JAG2: variants seen among roughly 807,000 people sequenced by gnomAD.
JAG2 encodes the protein jagged canonical Notch ligand 2, also known as protein jagged-2.
A neutral mutation model predicts 141.7 loss-of-function variants in JAG2; 46 were observed. The ratio of observed to expected loss-of-function variants is 0.32; its 90% CI spans 0.26 to 0.42. The LOEUF is 0.42. Ranked by LOEUF, JAG2 falls within the 10% of genes least tolerant of loss-of-function variation. JAG2 has a pLI of 1.00. For synonymous variants in JAG2, 862 were observed against 763.5 expected, an observed-to-expected ratio of 1.13 and a Z score of -2.13; for missense variants, 1,500 against 1,817.5, an observed-to-expected ratio of 0.83 and a Z score of 3.18.
chr14:105,167,914 G>A lies in JAG2; in HGVS notation c.260C>T (p.Pro87Leu). 6.3e-7 allele frequency: 1 copy of A among 1,595,696 alleles called. No individual in the cohort carries two copies. Among genetic ancestry groups the A allele is most frequent in the African/African-American group, 1.4e-5 (1 of 73,080 alleles). The change falls in exon 2 of 26, where the codon CCC (proline) becomes CTC (leucine). Residue 87 changes from proline to leucine, a missense_variant. Pro to Leu is a moderately conservative substitution (Grantham distance 98). This residue lies in a region of JAG2 where 200 missense variants were observed against 174.3 expected (regional missense o/e 1.15). Transcript: ENST00000331782. The surrounding 1 kb of genome is among the most constrained non-coding windows in gnomAD (Gnocchi z 4.8). ...EYQAKVTPTG[P>L]CSYGHGATPV... The stretch of plus-strand genomic sequence containing the variant: ...CGTGGCGCCGTGGCCGTAGCTGCAG[G>A]GCCCCGTGGGCGTCACCTTGGCCTG...
chr14:105,149,308 G>C lies in JAG2; in HGVS notation c.1615C>G (p.Leu539Val). Residue 539 changes from leucine to valine, a missense_variant, in exon 13 of 26, where the codon CTT (leucine) becomes GTT (valine). Physicochemically the swap from Leu to Val is conservative, Grantham distance 32. This residue lies in a region of JAG2 where 875 missense variants were observed against 1,202.2 expected (regional missense o/e 0.73). Coordinates refer to ENST00000331782, the MANE Select transcript of JAG2 (RefSeq NM_002226.5). ...TTCCGGCAGGGGCTTGGCTCACAAA[G>C]GTCGACATCCACCTGCAGGGTGGGG... ...SGPLCEVDVD[L>V]CEPSPCRNGA... 6.2e-7 allele frequency: 1 copy of C among 1,612,688 alleles called. No homozygotes were observed. Among genetic ancestry groups the C allele is most frequent in the Non-Finnish European group, 8.5e-7 (1 of 1,179,986 alleles).
chr14:105,146,030 G>A, intron 22 of JAG2, 57 bp from the exon 23 acceptor site: 2 of 1,564,998 alleles, frequency 1.3e-6, no homozygotes, highest in Admixed American at 1.8e-5. Context: ...TCAGATGCAG[G>A]CACACAGATG....
At chr14:105,149,128 T>TTCCCCCC in intron 13 of JAG2, 39 bp from the exon 14 acceptor site, 1 of 871,650 alleles carries the variant, frequency 1.1e-6, no homozygotes, top group South Asian at 1.4e-5. Context: ...GGCCCGCCCC[T>TTCCCCCC]GCCCCACCAC....
At position 105,167,838 on chromosome 14, in the gene JAG2, C is replaced by G; in HGVS notation, c.336G>C (p.Gly112=). ...SFYLPPAGAA[G]DRARARARAG... is the part of the protein sequence containing the mutation. ...CCCGGGCCCGCGCCCGCGCTCGGTC[C>G]CCCGCAGCGCCCGCCGGCGGCAGGT... Residue 112 remains glycine, a synonymous_variant, in exon 2 of 26, where the codon GGG becomes GGC. Transcript: ENST00000331782. The surrounding 1 kb of genome is among the most constrained non-coding windows in gnomAD (Gnocchi z 4.8). 6.7e-7 allele frequency: 1 copy of G among 1,500,440 alleles called. No individual in the cohort carries two copies. The allele number at this position is 1,500,440 out of a possible 1,614,324, so 92.9% of individuals were successfully genotyped here.
intron 17 of JAG2, 93 bp from the exon 18 acceptor site, chr14:105,147,981 G>A (rs1334499432): frequency 8.3e-7 from 1 of 1,200,702 alleles, no homozygotes; most frequent in Non-Finnish European, 1.2e-6. Flanking sequence ...AGGGCAGACA[G>A]ACCCGGGGGC....
intron 11 of JAG2, 37 bp from the exon 12 acceptor site, chr14:105,150,814 CCT>C (rs1888399440): frequency 1.3e-6 from 2 of 1,572,936 alleles, no homozygotes; most frequent in Non-Finnish European, 1.7e-6. Flanking sequence ...CCGCAGGCAC[CCT>C]GACGGCCCCG....
Position 105,167,722 on chromosome 14 carries a change from GA to G in JAG2, c.417+34del. On this transcript the variant is annotated intron_variant, in intron 2 of 25. Transcript: ENST00000331782. This position sits in a 1 kb window ranked among gnomAD's most constrained non-coding sequence, Gnocchi z 4.8. The stretch of plus-strand genomic sequence containing the variant: ...CGGGGCCGGGGCGCGGAGAGAGAGG[GA>G]AGGGCTGGAGCACGAGGGATGGAGC... The G allele has an allele frequency of 7.1e-7, 1 of 1,411,442 alleles. No individual in the cohort carries two copies. The highest frequency in any genetic ancestry group is 9.2e-7 in the Non-Finnish European group (1 of 1,081,942). The allele number at this position is 1,411,442 out of a possible 1,614,324, so 87.4% of individuals were successfully genotyped here. A position where few individuals can be genotyped will look rare whatever the true frequency, so the allele number is the denominator to read the frequency against.
intron 2 of JAG2, among the ~76,000 whole-genome samples, chr14:105,164,317 A>G (rs1196533320): frequency 6.6e-6 from 1 of 152,126 alleles, no homozygotes; most frequent in African/African-American, 2.4e-5. Flanking sequence ...CAAGGCGGAC[A>G]TGCCCTGAGT....
rs1270458130 is a variant in JAG2 at position 105,167,253 on chromosome 14, G to A, written c.417+504C>T. Among the ~76,000 whole-genome samples, 3 of 152,174 alleles carry A rather than the reference G, an allele frequency of 2.0e-5. No homozygotes were observed. Among genetic ancestry groups the A allele is most frequent in the Non-Finnish European group, 4.4e-5 (3 of 68,024 alleles). On this transcript the variant is annotated intron_variant, in intron 2 of 25. Coordinates refer to ENST00000331782, the MANE Select transcript of JAG2 (RefSeq NM_002226.5). The surrounding 1 kb of genome is among the most constrained non-coding windows in gnomAD (Gnocchi z 4.8). ...CCATCGGGGGCTTCTGCCGACATAA[G>A]CGTTAGGCGTTAGGCTCTCCCGGGC...
In JAG2 at chr14:105,150,931, G is replaced by C; in HGVS notation, c.1382-20C>G. ...TGACGTCTGGGGGCAGAGGAGCAGG[G>C]TCAGAGGCGGGGTCCCATGTGCCTC... is the stretch of plus-strand genomic sequence containing the variant. On this transcript the variant is annotated intron_variant, in intron 10 of 25. Coordinates refer to ENST00000331782, the MANE Select transcript of JAG2 (RefSeq NM_002226.5). 6.3e-6 allele frequency: 10 copies of C among 1,597,218 alleles called. No homozygotes were observed. The highest frequency in any genetic ancestry group is 8.5e-6 in the Non-Finnish European group (10 of 1,172,398).
chr14:105,144,770 G>C (rs1350220755), intron 24 of JAG2, among the ~76,000 whole-genome samples, 160 bp downstream of exon 24: 2 of 152,212 alleles, frequency 1.3e-5, no homozygotes, highest in Non-Finnish European at 1.5e-5. Context: ...AGTTCCACGG[G>C]TCTGCGGCAT....
intron 5 of JAG2, 29 bp downstream of exon 5, chr14:105,155,533 G>A (rs775942671): frequency 1.2e-6 from 2 of 1,611,960 alleles, no homozygotes; most frequent in Non-Finnish European, 1.7e-6. Context: ...AAGGTTGGGA[G>A]GGCAAAGACG....
chr14:105,161,382 G>C (rs1202618614), intron 2 of JAG2, among the ~76,000 whole-genome samples: 2 of 152,154 alleles, frequency 1.3e-5, no homozygotes, highest in Non-Finnish European at 2.9e-5. Context: ...GCAGAGAAAA[G>C]CCAGGCCACC....
intron 5 of JAG2, 107 bp from the exon 6 acceptor site, chr14:105,152,398 C>T (rs1888464598): frequency 7.3e-7 from 1 of 1,364,512 alleles, no homozygotes; most frequent in Non-Finnish European, 1.0e-6. Context: ...CGGCGGGCGG[C>T]CTCAGGCCTT....
chr14:105,148,728 G>T lies in JAG2; in HGVS notation c.2020+17C>A. 1 of 1,543,090 alleles carries T rather than the reference G, an allele frequency of 6.5e-7. No individual in the cohort carries two copies. On this transcript the variant is annotated intron_variant, in intron 15 of 25. Coordinates refer to ENST00000331782, the MANE Select transcript of JAG2 (RefSeq NM_002226.5). ...GGTGGAGGCACAGGCCGTGTGGGCG[G>T]GTGCTGGAACACTCACTGGTGTCGC...
Position 105,167,538 on chromosome 14 carries a change from C to A in JAG2, c.417+219G>T, listed in dbSNP as rs1888955649. 1.4e-5 allele frequency among the ~76,000 whole-genome samples: 2 copies of A among 147,554 alleles called. No homozygotes were observed. The highest frequency in any genetic ancestry group is 4.9e-5 in the African/African-American group (2 of 40,904). ...CGGGACGCCGCCGCCCCGCCCCCGC[C>A]GCGACCCCGCTCCCGGTGGCCCCGG... On this transcript the variant is annotated intron_variant, in intron 2 of 25. Coordinates refer to ENST00000331782, the MANE Select transcript of JAG2 (RefSeq NM_002226.5). This position sits in a 1 kb window ranked among gnomAD's most constrained non-coding sequence, Gnocchi z 4.8.
chr14:105,148,447 C>G lies in JAG2; in HGVS notation c.2021-8G>C. On this transcript the variant is annotated splice_region_variant and splice_polypyrimidine_tract_variant and intron_variant, in intron 15 of 25. Coordinates refer to ENST00000331782, the MANE Select transcript of JAG2 (RefSeq NM_002226.5). Reference sequence around the variant, plus strand: ...GAAGGCAGTCGTTGGGATCTGGGGGCGAGGACGCCGGTCAGCGGGCGGGGG... The same window carrying G: ...GAAGGCAGTCGTTGGGATCTGGGGGGGAGGACGCCGGTCAGCGGGCGGGGG... 1 of 1,604,878 alleles carries G rather than the reference C, an allele frequency of 6.2e-7. No individual in the cohort carries two copies. Among genetic ancestry groups the G allele is most frequent in the Non-Finnish European group, 8.5e-7 (1 of 1,175,314 alleles).
chr14:105,146,554 G>T, intron 21 of JAG2, 54 bp from the exon 22 acceptor site: 1 of 1,604,968 alleles, frequency 6.2e-7, no homozygotes, highest in Non-Finnish European at 8.5e-7. Context: ...CCTCGGGGCT[G>T]GGTGTCACCC....
chr14:105,145,219 G>A (rs150225323), intron 23 of JAG2, among the ~76,000 whole-genome samples, 158 bp from the exon 24 acceptor site: 386 of 152,274 alleles, frequency 2.5e-3, no homozygotes, highest in Non-Finnish European at 4.5e-3. Flanking sequence ...CTTCCCACCC[G>A]GCTGTGCCCT....
Sources: gnomAD v4.1 joint callset for allele counts (sites outside exome capture counted in the v4.1 genomes callset) on GRCh38, gnomAD v4.1.1 for gene constraint, gnomAD v4.1.1 regional missense constraint, Gnocchi (gnomAD v3.1) non-coding constraint, MANE v1.5 for transcripts, NCBI Gene and HGNC (gene_info 2026-07-23, HGNC 2026-07-21) for gene names.